The following NELL1 variants were observed in gnomAD, a reference collection of about 807,000 sequenced individuals.
The protein encoded by NELL1 is protein kinase C-binding protein NELL1.
A neutral mutation model predicts 107.4 loss-of-function variants in NELL1; 76 were observed. The observed-to-expected ratio is 0.71, with a 90% confidence interval of 0.59 to 0.86. The LOEUF (loss-of-function observed/expected upper bound fraction) is 0.86. Among genes scored for constraint, NELL1 ranks in the 40% least tolerant of loss-of-function variants. The pLI is 0.00. For synonymous variants in NELL1, 353 were observed against 341.2 expected (o/e 1.03, Z -0.38); for missense variants, 1,024 against 1,005.5 (o/e 1.02, Z -0.25).
Position 21,534,422 on chromosome 11 carries a change from G to T in NELL1, c.1694G>T (p.Arg565Leu), listed in dbSNP as rs185527274. The T allele has an allele frequency of 2.6e-5, 42 of 1,613,796 alleles. No individual in the cohort carries two copies. Among genetic ancestry groups the T allele is most frequent in the Middle Eastern group, 1.7e-4 (1 of 6,060 alleles). Residue 565 changes from arginine to leucine, a missense_variant, in exon 16 of 20, where the codon CGC (arginine) becomes CTC (leucine). Coordinates refer to ENST00000357134, the MANE Select transcript of NELL1 (RefSeq NM_006157.5). The part of the protein sequence containing the change: ...EGIIECHNHS[R>L]CVNLPGWYHC... The stretch of plus-strand genomic sequence containing the variant: ...ATCATTGAGTGCCACAACCATTCCC[G>T]CTGCGTTAACCTGCCAGGGTGGTAC...
At chr11:20,689,558 A>G (rs1854402387) in intron 2 of NELL1, among the ~76,000 whole-genome samples, 1 of 149,666 alleles carries the variant, frequency 6.7e-6, no homozygotes, top group Non-Finnish European at 1.5e-5. Flanking sequence ...TCCTTGCGAT[A>G]GTTTACTGAG....
intron 14 of NELL1, among the ~76,000 whole-genome samples, chr11:21,268,159 G>A (rs1848671647): frequency 6.6e-6 from 1 of 152,090 alleles, no homozygotes; most frequent in African/African-American, 2.4e-5. Context: ...CCAGGACCAG[G>A]GTAGGGAAAC....
intron 13 of NELL1, among the ~76,000 whole-genome samples, chr11:21,139,796 A>C (rs2133770019): frequency 6.6e-6 from 1 of 152,274 alleles, no homozygotes; most frequent in East Asian, 1.9e-4. Context: ...AATAAACAAT[A>C]AGGAAGCTTT....
At chr11:21,415,017 G>A (rs182720576) in intron 15 of NELL1, among the ~76,000 whole-genome samples, 13 of 152,106 alleles carry the variant, frequency 8.5e-5, no homozygotes, top group African/African-American at 2.2e-4. Context: ...AAAGAGCCAC[G>A]ATAATCCCTG....
chr11:20,827,341 G>C (rs527347745), intron 3 of NELL1, among the ~76,000 whole-genome samples: 4 of 151,232 alleles, frequency 2.6e-5, no homozygotes, highest in Admixed American at 6.7e-5. Context: ...CTTTCTTTCT[G>C]TATGGCTTGG....
chr11:21,085,638 A>C (rs1032593519), intron 12 of NELL1, among the ~76,000 whole-genome samples: 15 of 152,146 alleles, frequency 9.9e-5, no homozygotes, highest in African/African-American at 2.4e-4. Context: ...TTAAAAAAAA[A>C]CCAAAAAACA....
intron 13 of NELL1, among the ~76,000 whole-genome samples, chr11:21,187,628 C>A (rs1428429178): frequency 1.3e-5 from 2 of 151,730 alleles, no homozygotes; most frequent in African/African-American, 4.9e-5. Context: ...TATTGTCACT[C>A]TATGATTTGT....
intron 15 of NELL1, among the ~76,000 whole-genome samples, chr11:21,378,144 T>G (rs2133764093): frequency 6.6e-6 from 1 of 151,854 alleles, no homozygotes; most frequent in African/African-American, 2.4e-5. Flanking sequence ...CTAGTAAAAT[T>G]AAGGAAAAAT....
intron 2 of NELL1, among the ~76,000 whole-genome samples, chr11:20,767,343 C>A (rs1013381828): frequency 3.3e-5 from 5 of 152,132 alleles, no homozygotes; most frequent in African/African-American, 1.2e-4. Flanking sequence ...TTATTTGTCC[C>A]CACCCACGTC....
intron 12 of NELL1, among the ~76,000 whole-genome samples, chr11:21,012,379 A>C (rs902108767): frequency 6.6e-6 from 1 of 151,954 alleles, no homozygotes; most frequent in Non-Finnish European, 1.5e-5. Flanking sequence ...CTTTCTCCCC[A>C]GTTAGGGCCA....
At chr11:20,874,059 C>T (rs1436710798) in intron 4 of NELL1, among the ~76,000 whole-genome samples, 1 of 152,062 alleles carries the variant, frequency 6.6e-6, no homozygotes. Flanking sequence ...GCCATTGAAC[C>T]CGGTCTGAGT....
chr11:21,382,910 A>T (rs1459416381), intron 15 of NELL1, among the ~76,000 whole-genome samples: 1 of 151,920 alleles, frequency 6.6e-6, no homozygotes, highest in African/African-American at 2.4e-5. Flanking sequence ...TACAAACACC[A>T]CTGTAACTTT....
At chr11:21,100,920 T>C (rs201322601) in intron 12 of NELL1, among the ~76,000 whole-genome samples, 1 of 152,100 alleles carries the variant, frequency 6.6e-6, no homozygotes, top group African/African-American at 2.4e-5. Context: ...ACATGTGCCA[T>C]GTTGGTGTGC....
At chr11:20,700,491 G>GA (rs34659908) in intron 2 of NELL1, among the ~76,000 whole-genome samples, 8 of 148,486 alleles carry the variant, frequency 5.4e-5, no homozygotes, top group African/African-American at 1.5e-4. Flanking sequence ...AAAAGACAAA[G>GA]AAAAAAAAAT....
intron 14 of NELL1, among the ~76,000 whole-genome samples, chr11:21,351,101 A>G (rs1189607545): frequency 4.6e-5 from 7 of 152,134 alleles, no homozygotes; most frequent in African/African-American, 1.7e-4. Flanking sequence ...GAGGAAAGTC[A>G]CATAAAGATG....
At chr11:21,242,986 CTGT>C (rs1486538605) in intron 14 of NELL1, among the ~76,000 whole-genome samples, 1 of 152,076 alleles carries the variant, frequency 6.6e-6, no homozygotes, top group Non-Finnish European at 1.5e-5. Flanking sequence ...AGTTCCCTTC[CTGT>C]TGTTAGTGAT....
chr11:21,122,459 G>T (rs572535734), intron 13 of NELL1, among the ~76,000 whole-genome samples: 5 of 152,204 alleles, frequency 3.3e-5, no homozygotes, highest in Admixed American at 2.0e-4. Context: ...CATGGTACAT[G>T]CATATCTATC....
intron 12 of NELL1, among the ~76,000 whole-genome samples, chr11:20,966,553 G>C (rs1466559192): frequency 3.9e-5 from 6 of 152,158 alleles, no homozygotes; most frequent in African/African-American, 1.2e-4. Context: ...TTTCTTTTCT[G>C]TTTTCTCATT....
At chr11:21,013,354 G>A (rs1852490715) in intron 12 of NELL1, among the ~76,000 whole-genome samples, 1 of 152,094 alleles carries the variant, frequency 6.6e-6, no homozygotes, top group African/African-American at 2.4e-5. Flanking sequence ...ATAGGAAATA[G>A]TGCTCCAGGA....
Sources: gnomAD v4.1 joint callset for allele counts (sites outside exome capture counted in the v4.1 genomes callset) on GRCh38, gnomAD v4.1.1 for gene constraint, MANE v1.5 for transcripts, NCBI Gene and HGNC (gene_info 2026-07-23, HGNC 2026-07-21) for gene names.